The following KALRN variants were observed in gnomAD, a reference collection of about 807,000 sequenced individuals.
KALRN encodes the protein kalirin.
In KALRN, 70 loss-of-function variants were observed where a neutral mutation model predicts 353.7. That is an observed-to-expected ratio of 0.20 (90% CI 0.16 to 0.24). The LOEUF (loss-of-function observed/expected upper bound fraction) is 0.24. Among genes scored for constraint, KALRN ranks in the 10% least tolerant of loss-of-function variants. KALRN has a pLI of 1.00. For missense variants in KALRN, 2,791 were observed against 3,756.7 expected (o/e 0.74, Z 6.72); for synonymous variants, 1,391 against 1,434.8 (o/e 0.97, Z 0.69).
intron 6 of KALRN, among the ~76,000 whole-genome samples, chr3:124,313,463 T>A (rs528062805): frequency 1.3e-5 from 2 of 152,280 alleles, no homozygotes; most frequent in African/African-American, 4.8e-5. Flanking sequence ...GGATGGAACT[T>A]CCCTTTTCTT....
chr3:124,722,995 A>G lies in KALRN; in HGVS notation c.*3525A>G, dbSNP rs183593572. ...TTCCTACATCTTTTACATTTGTTTC[A>G]AATTAAATAGATATATATCCACTTA... is the stretch of plus-strand genomic sequence containing the variant. On this transcript the variant is annotated 3_prime_UTR_variant, in exon 60 of 60. Transcript: ENST00000682506. The G allele has an allele frequency of 6.6e-6, 1 of 152,356 alleles. No individual in the cohort carries two copies. The highest frequency in any genetic ancestry group is 2.4e-5 in the African/African-American group (1 of 41,594). The allele number at this position is 152,356 out of a possible 1,614,324, so 9.4% of individuals were successfully genotyped here. A position where few individuals can be genotyped will look rare whatever the true frequency, so the allele number is the denominator to read the frequency against.
intron 35 of KALRN, among the ~76,000 whole-genome samples, chr3:124,633,513 T>A (rs1389751460): frequency 1.3e-5 from 2 of 152,228 alleles, no homozygotes. Flanking sequence ...CCTGGCGGCA[T>A]TTGGGCTATG....
At chr3:124,413,720 A>G in intron 14 of KALRN, 55 bp downstream of exon 14, 1 of 1,439,228 alleles carries the variant, frequency 6.9e-7, no homozygotes, top group Non-Finnish European at 9.7e-7. Flanking sequence ...CAAGCATACC[A>G]TCTAGCCTGC....
At chr3:124,619,427 G>A (rs1047774048) in intron 34 of KALRN, among the ~76,000 whole-genome samples, 29 of 149,504 alleles carry the variant, frequency 1.9e-4, no homozygotes, top group African/African-American at 7.1e-4. Context: ...TACTTTGGAT[G>A]TGTACTCAGA....
At position 124,713,138 on chromosome 3, in the gene KALRN, A is replaced by G; in HGVS notation, c.8276+3A>G. 1 of 1,611,548 alleles carries G rather than the reference A, an allele frequency of 6.2e-7. No homozygotes were observed. The highest frequency in any genetic ancestry group is 8.5e-7 in the Non-Finnish European group (1 of 1,178,598). On this transcript the variant is annotated splice_donor_region_variant and intron_variant, in intron 58 of 59. Coordinates refer to ENST00000682506, the MANE Select transcript of KALRN (RefSeq NM_001388419.1). ...TCCTACATCCTGATCTTGGAACTGT[A>G]AGTACAGACGCCATCTCTCTAAAGT...
At chr3:124,670,758 C>T (rs333342) in intron 47 of KALRN, among the ~76,000 whole-genome samples, 2,261 of 152,316 alleles carry the variant, frequency 0.015, 58 homozygotes, top group African/African-American at 0.052. Flanking sequence ...TGACATTTGC[C>T]TGGCTCTCCC....
chr3:124,221,756 A>C (rs2077934390), intron 1 of KALRN, among the ~76,000 whole-genome samples: 1 of 152,138 alleles, frequency 6.6e-6, no homozygotes, highest in African/African-American at 2.4e-5. Context: ...GATTGGGGGA[A>C]GGGTGGGAAG....
intron 13 of KALRN, among the ~76,000 whole-genome samples, chr3:124,407,026 G>A (rs1223458418): frequency 6.6e-6 from 1 of 151,854 alleles, no homozygotes; most frequent in African/African-American, 2.4e-5. Context: ...TAGAGATGGG[G>A]TTTCACCATG....
At chr3:124,515,978 T>TA (rs1272770066) in intron 33 of KALRN, among the ~76,000 whole-genome samples, 1 of 152,198 alleles carries the variant, frequency 6.6e-6, no homozygotes, top group Admixed American at 6.5e-5. Flanking sequence ...CATATGAGTT[T>TA]ATCACCTATT....
chr3:124,711,148 C>G (rs1483845139), intron 57 of KALRN, among the ~76,000 whole-genome samples: 1 of 152,196 alleles, frequency 6.6e-6, no homozygotes, highest in South Asian at 2.1e-4. Context: ...TCAATAAATA[C>G]TTGTCTAAGA....
At chr3:124,227,873 C>T (rs1009109268) in intron 1 of KALRN, 117 bp from the exon 2 acceptor site, 32 of 821,322 alleles carry the variant, frequency 3.9e-5, no homozygotes, top group Non-Finnish European at 6.7e-5. Context: ...GGCTGTAGGA[C>T]CTGGACAAGG....
At chr3:124,123,192 T>A (rs1448338151) in intron 1 of KALRN, among the ~76,000 whole-genome samples, 3 of 70,236 alleles carry the variant, frequency 4.3e-5, no homozygotes, top group African/African-American at 4.1e-5. Context: ...AAAGCAAGAC[T>A]CCATCTCAAA....
intron 1 of KALRN, among the ~76,000 whole-genome samples, chr3:124,092,361 T>C (rs2061166939): frequency 6.6e-6 from 1 of 152,232 alleles, no homozygotes; most frequent in South Asian, 2.1e-4. Context: ...CCTGCCATGA[T>C]GCGAGCCTCC....
intron 33 of KALRN, among the ~76,000 whole-genome samples, chr3:124,510,086 G>A (rs577083391): frequency 5.3e-5 from 8 of 152,308 alleles, no homozygotes; most frequent in Admixed American, 3.3e-4. Flanking sequence ...TGAGGTCATC[G>A]CTTGTATTTC....
At chr3:124,304,686 A>ACC (rs1305044977) in intron 6 of KALRN, among the ~76,000 whole-genome samples, 1 of 152,210 alleles carries the variant, frequency 6.6e-6, no homozygotes, top group East Asian at 1.9e-4. Context: ...ATTCAATAAG[A>ACC]ACAGTGAGCC....
At chr3:124,094,644 G>T (rs1011855026) in intron 1 of KALRN, 42 of 632,776 alleles carry the variant, frequency 6.6e-5, no homozygotes, top group Non-Finnish European at 1.1e-4. Context: ...TTGTTCCTTT[G>T]TTGCTGTGAA....
chr3:124,269,265 G>T lies in KALRN; in HGVS notation c.969+10G>T. The stretch of plus-strand genomic sequence containing the variant: ...GCAGGATGCTGAGAAGGTAGGAAGG[G>T]AACAGGCCAAACCTGAGCCGGGATG... On this transcript the variant is annotated intron_variant, in intron 5 of 59. Coordinates refer to ENST00000682506, the MANE Select transcript of KALRN (RefSeq NM_001388419.1). 6.3e-7 allele frequency: 1 copy of T among 1,585,206 alleles called. No individual in the cohort carries two copies. The highest frequency in any genetic ancestry group is 1.1e-5 in the South Asian group (1 of 88,148).
chr3:124,653,867 C>G (rs1045615070), intron 38 of KALRN, among the ~76,000 whole-genome samples: 2 of 152,242 alleles, frequency 1.3e-5, no homozygotes, highest in African/African-American at 4.8e-5. Context: ...CACTGCCTTG[C>G]AATGCCTGCA....
At chr3:124,112,356 T>A (rs2063068665) in intron 1 of KALRN, among the ~76,000 whole-genome samples, 1 of 150,674 alleles carries the variant, frequency 6.6e-6, no homozygotes, top group Non-Finnish European at 1.5e-5. Context: ...TGAGCATCCC[T>A]TCCCTAGCAG....
Sources: gnomAD v4.1 joint callset for allele counts (sites outside exome capture counted in the v4.1 genomes callset) on GRCh38, gnomAD v4.1.1 for gene constraint, MANE v1.5 for transcripts, NCBI Gene and HGNC (gene_info 2026-07-23, HGNC 2026-07-21) for gene names.